The following SLC24A3 variants were observed in gnomAD, a reference collection of about 807,000 sequenced individuals.
The protein encoded by SLC24A3 is solute carrier family 24 member 3.
SLC24A3 carries 28 observed loss-of-function variants against 75.8 expected under a neutral mutation model. The observed-to-expected ratio is 0.37, with a 90% CI of 0.27 to 0.51. SLC24A3 has a LOEUF of 0.51. Ranked by LOEUF, SLC24A3 falls within the 20% of genes least tolerant of loss-of-function variation. The pLI is 0.94. For missense variants in SLC24A3, 663 were observed against 847.8 expected (o/e 0.78, Z 2.71); for synonymous variants, 372 against 334.1 (o/e 1.11, Z -1.24).
intron 6 of SLC24A3, among the ~76,000 whole-genome samples, chr20:19,645,314 T>C (rs1184498455): frequency 6.6e-6 from 1 of 152,210 alleles, no homozygotes; most frequent in Non-Finnish European, 1.5e-5. Context: ...CAGAGCATCA[T>C]GTCAAATGTT....
At chr20:19,639,906 G>GCCGGCTGGC (rs1235458127) in intron 6 of SLC24A3, among the ~76,000 whole-genome samples, 4 of 152,262 alleles carry the variant, frequency 2.6e-5, no homozygotes, top group Non-Finnish European at 5.9e-5. Flanking sequence ...GGCCGGCAGG[G>GCCGGCTGGC]CCGGCTGGCC....
At chr20:19,476,432 A>T (rs1040912434) in intron 2 of SLC24A3, among the ~76,000 whole-genome samples, 4 of 152,238 alleles carry the variant, frequency 2.6e-5, no homozygotes, top group African/African-American at 9.7e-5. Context: ...GGAGAAAATT[A>T]GGTGACTTTA....
At chr20:19,457,404 A>C (rs894010381) in intron 2 of SLC24A3, among the ~76,000 whole-genome samples, 2 of 152,272 alleles carry the variant, frequency 1.3e-5, no homozygotes, top group African/African-American at 4.8e-5. Flanking sequence ...GACTAAAACA[A>C]AAATTATTTA....
At chr20:19,652,211 G>A (rs546055680) in intron 6 of SLC24A3, among the ~76,000 whole-genome samples, 18 of 152,086 alleles carry the variant, frequency 1.2e-4, no homozygotes, top group South Asian at 4.2e-4. Flanking sequence ...TGTCCTGATC[G>A]AAAAAACCCT....
Position 19,212,977 on chromosome 20 carries a change from G to A in SLC24A3, c.135G>A (p.Glu45=), listed in dbSNP as rs780336505. ...LLLWSLSSLR[E]QKELDLMDLV... Reference sequence around the variant, plus strand: ...TCTGGTCGCTGTCGAGCCTGCGAGAGCAGAAGGGTGAGTGCACGCTGCCTG... The same window carrying A: ...TCTGGTCGCTGTCGAGCCTGCGAGAACAGAAGGGTGAGTGCACGCTGCCTG... The change falls in exon 1 of 17, where the codon GAG becomes GAA. Residue 45 remains glutamate (E), a synonymous_variant. Coordinates refer to ENST00000328041, the MANE Select transcript of SLC24A3 (RefSeq NM_020689.4). 5.4e-6 allele frequency: 7 copies of A among 1,292,774 alleles called. No individual in the cohort carries two copies. The South Asian group carries it at 1.7e-4, about 31-fold the overall frequency. The allele number at this position is 1,292,774 out of a possible 1,614,324, so 80.1% of individuals were successfully genotyped here. A position where few individuals can be genotyped will look rare whatever the true frequency, so the allele number is the denominator to read the frequency against.
chr20:19,260,343 A>C (rs1982944149), intron 1 of SLC24A3, among the ~76,000 whole-genome samples: 1 of 152,226 alleles, frequency 6.6e-6, no homozygotes, highest in Non-Finnish European at 1.5e-5. Context: ...AGCTGTTGTA[A>C]GGTTAAGTAA....
At chr20:19,571,634 C>A (rs750832869) in intron 3 of SLC24A3, among the ~76,000 whole-genome samples, 3 of 152,124 alleles carry the variant, frequency 2.0e-5, no homozygotes, top group Non-Finnish European at 4.4e-5. Flanking sequence ...CCTTTAAACT[C>A]CTTTAAAGTA....
Position 19,282,170 on chromosome 20 carries a change from C to T in SLC24A3, c.271+1083C>T, listed in dbSNP as rs148966936. ...GACATGTCAGAGAATTGCAGGTCTG[C>T]GATCTATTGGGAAGATGGGTGGGAG... On this transcript the variant is annotated intron_variant, in intron 2 of 16. Coordinates refer to ENST00000328041, the MANE Select transcript of SLC24A3 (RefSeq NM_020689.4). Among the ~76,000 whole-genome samples, 641 of 152,268 alleles carry T rather than the reference C, an allele frequency of 4.2e-3. 4 individuals are homozygous for T. Among genetic ancestry groups the T allele is most frequent in the Non-Finnish European group, 6.9e-3 (470 of 68,010 alleles).
intron 11 of SLC24A3, among the ~76,000 whole-genome samples, chr20:19,684,782 G>A (rs2032654555): frequency 6.6e-6 from 1 of 152,118 alleles, no homozygotes; most frequent in South Asian, 2.1e-4. Flanking sequence ...TCTCACATAG[G>A]GACCCAGGAA....
At chr20:19,242,001 C>T (rs1568566207) in intron 1 of SLC24A3, among the ~76,000 whole-genome samples, 1 of 152,210 alleles carries the variant, frequency 6.6e-6, no homozygotes, top group Admixed American at 6.5e-5. Context: ...GTTATACCTT[C>T]AAGGTCCCAG....
chr20:19,371,845 A>G (rs561368044), intron 2 of SLC24A3, among the ~76,000 whole-genome samples: 6 of 152,154 alleles, frequency 3.9e-5, no homozygotes, highest in African/African-American at 1.4e-4. Context: ...GCTATGTAAA[A>G]AGGCTGGCAT....
chr20:19,530,843 G>A (rs1322526847), intron 3 of SLC24A3, among the ~76,000 whole-genome samples: 1 of 152,108 alleles, frequency 6.6e-6, no homozygotes, highest in Non-Finnish European at 1.5e-5. Flanking sequence ...ACTCCAGGGG[G>A]AAAGGCTCCA....
intron 7 of SLC24A3, among the ~76,000 whole-genome samples, chr20:19,661,266 A>AT (rs1363883355): frequency 1.3e-5 from 2 of 152,058 alleles, no homozygotes; most frequent in African/African-American, 2.4e-5. Context: ...CCCGTAGGTC[A>AT]TTTTTTCCCT....
chr20:19,369,434 G>A (rs951159320), intron 2 of SLC24A3, among the ~76,000 whole-genome samples: 5 of 152,120 alleles, frequency 3.3e-5, no homozygotes, highest in African/African-American at 9.7e-5. Context: ...TCCCAGATTA[G>A]GGGAGACAAA....
At chr20:19,705,657 T>C (rs935216234) in intron 15 of SLC24A3, among the ~76,000 whole-genome samples, 5 of 152,136 alleles carry the variant, frequency 3.3e-5, no homozygotes, top group Non-Finnish European at 7.4e-5. Flanking sequence ...TACTGTGGGT[T>C]TAATGGCCCT....
chr20:19,549,123 C>T (rs1415316661), intron 3 of SLC24A3, among the ~76,000 whole-genome samples: 1 of 152,182 alleles, frequency 6.6e-6, no homozygotes, highest in Non-Finnish European at 1.5e-5. Context: ...GAGAGTGGTA[C>T]CTGTCACTTT....
At chr20:19,636,010 G>A (rs1032322611) in intron 6 of SLC24A3, among the ~76,000 whole-genome samples, 2 of 152,126 alleles carry the variant, frequency 1.3e-5, no homozygotes, top group Non-Finnish European at 2.9e-5. Flanking sequence ...CGTGGTGGCG[G>A]GCGCCTGTGG....
chr20:19,423,116 T>A (rs1986945256), intron 2 of SLC24A3, among the ~76,000 whole-genome samples: 1 of 152,238 alleles, frequency 6.6e-6, no homozygotes, highest in African/African-American at 2.4e-5. Context: ...CACTGGCAGC[T>A]CTTGCCCCGC....
chr20:19,341,974 T>C (rs1159068254), intron 2 of SLC24A3, among the ~76,000 whole-genome samples: 1 of 152,218 alleles, frequency 6.6e-6, no homozygotes, highest in African/African-American at 2.4e-5. Flanking sequence ...TTTTGAAGTA[T>C]TTTTGAAGAG....
Sources: allele counts gnomAD v4.1 joint callset (sites outside exome capture counted in the v4.1 genomes callset), GRCh38; gene constraint gnomAD v4.1.1; transcripts MANE v1.5; gene names NCBI Gene and HGNC (gene_info 2026-07-23, HGNC 2026-07-21).